Variants in ZIM2 observed in about 807,000 individuals in gnomAD.
ZIM2 encodes the protein zinc finger imprinted 2, also known as zinc finger protein 656.
ZIM2 carries 14 observed loss-of-function variants against 38.6 expected under a neutral mutation model. That is an observed-to-expected ratio of 0.36 (90% confidence interval 0.24 to 0.57). The LOEUF (loss-of-function observed/expected upper bound fraction) is 0.57. Among genes scored for constraint, ZIM2 ranks in the 20% least tolerant of loss-of-function variants. The pLI is 0.81. For synonymous variants in ZIM2, 247 were observed against 245.8 expected, an observed-to-expected ratio of 1.00 and a Z score of -0.04; for missense variants, 680 against 695.1, an observed-to-expected ratio of 0.98 and a Z score of 0.24.
At chr19:56,839,693 G>A (rs1272171573) in intron 1 of ZIM2, among the ~76,000 whole-genome samples, 1 of 150,532 alleles carries the variant, frequency 6.6e-6, no homozygotes, top group Non-Finnish European at 1.5e-5. Context: ...GGGTGGGGCT[G>A]GAACAGACCA....
Position 56,813,604 on chromosome 19 carries a change from G to A in ZIM2, c.490+4142C>T, listed in dbSNP as rs539238902. On this transcript the variant is annotated intron_variant, in intron 9 of 12. Transcript: ENST00000629319. ...TCTCCTACTGACATTATCATGGATT[G>A]GTTTGGATTCTCTGTGGTTTGGTAA... 4.6e-4 allele frequency: 699 copies of A among 1,525,778 alleles called. 1 individual carries two copies. Among genetic ancestry groups the A allele is most frequent in the Non-Finnish European group, 5.8e-4 (663 of 1,133,834 alleles). The allele number at this position is 1,525,778 out of a possible 1,614,324, so 94.5% of individuals were successfully genotyped here.
rs1419217085 is a variant in ZIM2, at chr19:56,775,584, C to A, written c.836-55G>T. The A allele has an allele frequency of 1.4e-5, 21 of 1,528,504 alleles. No individual in the cohort carries two copies. In the African/African-American group the frequency reaches 2.1e-4, roughly 15 times the overall value. 94.7% of individuals were successfully genotyped at this position (1,528,504 alleles called of 1,614,324 possible). ...CGCCCAATTATCCAATCCTGCCCCC[C>A]AATAATGATATTTCTATAGGCAGGC... On this transcript the variant is annotated intron_variant, in intron 12 of 12. Coordinates refer to ENST00000629319, the MANE Select transcript of ZIM2 (RefSeq NM_001387356.1).
intron 11 of ZIM2, among the ~76,000 whole-genome samples, chr19:56,780,894 C>G (rs1465461642): frequency 2.0e-5 from 3 of 152,226 alleles, no homozygotes; most frequent in African/African-American, 7.2e-5. Context: ...TCTATTTAGC[C>G]CACTGTACTC....
intron 9 of ZIM2, chr19:56,790,209 CA>C (rs1568574503): frequency 5.7e-6 from 2 of 350,524 alleles, no homozygotes; most frequent in African/African-American, 4.2e-5. Flanking sequence ...CCCTCCATAT[CA>C]GTCATTTCGG....
intron 5 of ZIM2, 104 bp downstream of exon 5, chr19:56,823,486 G>C: frequency 2.3e-6 from 3 of 1,324,116 alleles, no homozygotes; most frequent in Admixed American, 1.8e-5. Flanking sequence ...CTGACCACTC[G>C]GGGATGGCGG....
intron 9 of ZIM2, chr19:56,817,472 G>C (rs112736049): frequency 6.2e-7 from 1 of 1,613,394 alleles, no homozygotes; most frequent in Non-Finnish European, 8.5e-7. Flanking sequence ...TTGGAACTGC[G>C]TGACACATCC....
intron 9 of ZIM2, among the ~76,000 whole-genome samples, chr19:56,805,145 T>C (rs1320105977): frequency 6.6e-6 from 1 of 152,184 alleles, no homozygotes; most frequent in South Asian, 2.1e-4. Context: ...GGGGACACTG[T>C]CGTGTGCATT....
At position 56,814,935 on chromosome 19, in the gene ZIM2, C is replaced by T. The variant is rs1420360837; in HGVS notation, c.490+2811G>A. ...GGAATGAGCTATGAATAAAAGATTC[C>T]CCACACTTTGGACATTCATACAGCT... On this transcript the variant is annotated intron_variant, in intron 9 of 12. Coordinates refer to ENST00000629319, the MANE Select transcript of ZIM2 (RefSeq NM_001387356.1). This position sits in a 1 kb window ranked among gnomAD's most constrained non-coding sequence, Gnocchi z 5.8. 2 of 1,613,990 alleles carry T rather than the reference C, an allele frequency of 1.2e-6. No homozygotes were observed. The highest frequency in any genetic ancestry group is 1.7e-6 in the Non-Finnish European group (2 of 1,180,014).
chr19:56,791,253 A>C (rs1306900974), intron 9 of ZIM2: 1 of 152,216 alleles, frequency 6.6e-6, no homozygotes. Context: ...TTGTGGAACC[A>C]TGGTCAAGTT....
intron 9 of ZIM2, chr19:56,813,669 A>C: frequency 6.2e-7 from 1 of 1,609,438 alleles, no homozygotes; most frequent in Non-Finnish European, 8.5e-7. Flanking sequence ...CCTTTACCCC[A>C]TGCCCTCAGC....
At chr19:56,813,379 G>A (rs1448692674) in intron 9 of ZIM2, 1 of 1,177,486 alleles carries the variant, frequency 8.5e-7, no homozygotes, top group East Asian at 4.2e-5. Context: ...GTTGATTTGG[G>A]CAAACTCTGT....
Position 56,774,922 on chromosome 19 carries a change from G to A in ZIM2, c.1443C>T (p.Tyr481=). Residue 481 remains tyrosine, a synonymous_variant, in exon 13 of 13, where the codon TAC becomes TAT. Coordinates refer to ENST00000629319, the MANE Select transcript of ZIM2 (RefSeq NM_001387356.1). The part of the protein sequence containing the change: ...LPPGLSHSKT[Y]LIRYQRKHDY... Reference sequence around the variant, plus strand: ...CATGTTTCCGCTGATAACGAATTAAGTATGTCTTGCTGTGGGACAACCCAG... The same window carrying A: ...CATGTTTCCGCTGATAACGAATTAAATATGTCTTGCTGTGGGACAACCCAG... 1.2e-6 allele frequency: 2 copies of A among 1,614,194 alleles called. No homozygotes were observed. Among genetic ancestry groups the A allele is most frequent in the South Asian group, 1.1e-5 (1 of 91,086 alleles).
At chr19:56,779,901 T>C (rs915671667) in intron 11 of ZIM2, among the ~76,000 whole-genome samples, 2 of 152,218 alleles carry the variant, frequency 1.3e-5, no homozygotes, top group African/African-American at 4.8e-5. Flanking sequence ...TTCTTTTCCC[T>C]CCTGGGATAA....
intron 9 of ZIM2, chr19:56,815,534 C>T (rs1268599582): frequency 6.2e-7 from 1 of 1,614,048 alleles, no homozygotes; most frequent in Non-Finnish European, 8.5e-7. Context: ...TCCTGACATT[C>T]ATAGAGCATC....
At chr19:56,830,029 T>C (rs2061430230) in intron 2 of ZIM2, among the ~76,000 whole-genome samples, 1 of 152,222 alleles carries the variant, frequency 6.6e-6, no homozygotes, top group Non-Finnish European at 1.5e-5. Context: ...TTAATCTGCC[T>C]GAGGATGGCC....
chr19:56,815,987 G>T (rs143073381), intron 9 of ZIM2: 22 of 1,584,014 alleles, frequency 1.4e-5, no homozygotes, highest in East Asian at 2.2e-5. Flanking sequence ...CCTCCAGCAC[G>T]AACTCTCTGA....
chr19:56,802,439 G>A (rs562494304), intron 9 of ZIM2, among the ~76,000 whole-genome samples: 1 of 152,240 alleles, frequency 6.6e-6, no homozygotes, highest in East Asian at 1.9e-4. Context: ...AGAAAACAGG[G>A]ACTTCTGAGG....
chr19:56,821,209 T>G (rs1297912839), intron 7 of ZIM2, among the ~76,000 whole-genome samples: 1 of 152,222 alleles, frequency 6.6e-6, no homozygotes, highest in Non-Finnish European at 1.5e-5. Context: ...TATGAGTAAA[T>G]GGCCCAAGGC....
intron 10 of ZIM2, among the ~76,000 whole-genome samples, chr19:56,788,404 C>T (rs565199313): frequency 3.2e-4 from 48 of 152,160 alleles, no homozygotes; most frequent in South Asian, 4.2e-4. Context: ...TCCATATAAT[C>T]GTGCGGTTTT....
Sources: gnomAD v4.1 joint callset for allele counts (sites outside exome capture counted in the v4.1 genomes callset) on GRCh38, gnomAD v4.1.1 for gene constraint, Gnocchi (gnomAD v3.1) non-coding constraint, MANE v1.5 for transcripts, NCBI Gene and HGNC (gene_info 2026-07-23, HGNC 2026-07-21) for gene names.